Variants in RGPD2 observed in about 807,000 individuals in gnomAD.
The protein encoded by RGPD2 is RANBP2-like and GRIP domain-containing protein 2.
A neutral mutation model predicts 36.0 loss-of-function variants in RGPD2; 2 were observed. The observed-to-expected ratio is 0.06, with a 90% confidence interval of 0.02 to 0.17. RGPD2 has a LOEUF of 0.17. Among genes scored for constraint, RGPD2 ranks in the 10% least tolerant of loss-of-function variants. The pLI, the probability that RGPD2 is intolerant of heterozygous loss-of-function variation, is 1.00. For missense variants in RGPD2, 40 were observed against 464.3 expected (o/e 0.09, Z 8.40); for synonymous variants, 19 against 163.8 (o/e 0.12, Z 6.75).
At chr2:87,853,050 G>A in the RGPD2 span, among the ~76,000 whole-genome samples, 1 of 152,216 alleles carries the variant, frequency 6.6e-6, no homozygotes, top group African/African-American at 2.4e-5. Context: ...TTGAGTTAAT[G>A]ACCTGCTCGG....
the RGPD2 span, among the ~76,000 whole-genome samples, chr2:87,927,708 T>G: frequency 6.6e-6 from 1 of 151,302 alleles, no homozygotes; most frequent in African/African-American, 2.4e-5. Context: ...CAATTCTGTC[T>G]TTGGAAAAAA....
At chr2:87,830,484 C>T (rs1672464589), upstream of RGPD2, among the ~76,000 whole-genome samples, 1 of 152,104 alleles carries the variant, frequency 6.6e-6, no homozygotes, top group Non-Finnish European at 1.5e-5. Context: ...TTCTTCTGAA[C>T]CCTCCAAACT....
the RGPD2 span, among the ~76,000 whole-genome samples, chr2:87,935,095 A>C: frequency 7.1e-6 from 1 of 140,822 alleles, no homozygotes; most frequent in Non-Finnish European, 1.6e-5. Flanking sequence ...TTATTGTGAA[A>C]GAACAGAGCA....
At chr2:87,886,391 C>A in the RGPD2 span, among the ~76,000 whole-genome samples, 1 of 151,288 alleles carries the variant, frequency 6.6e-6, no homozygotes, top group African/African-American at 2.4e-5. Context: ...AACTACACTA[C>A]CTATTGCATT....
chr2:87,897,715 A>T, the RGPD2 span, among the ~76,000 whole-genome samples: 13 of 151,902 alleles, frequency 8.6e-5, no homozygotes, highest in African/African-American at 2.4e-4. Flanking sequence ...TATAAGTGAG[A>T]ACATGCAGTG....
upstream of RGPD2, chr2:87,825,939 C>T: frequency 1.8e-6 from 1 of 563,098 alleles, no homozygotes; most frequent in Non-Finnish European, 2.9e-6. Context: ...ACCCTGTGCT[C>T]TGAGGGTGTC....
At chr2:87,884,776 G>T in the RGPD2 span, among the ~76,000 whole-genome samples, 32 of 151,886 alleles carry the variant, frequency 2.1e-4, no homozygotes, top group Admixed American at 1.6e-3. Flanking sequence ...CCAATAACAA[G>T]TAAAGAGATT....
intron 4 of RGPD2, among the ~76,000 whole-genome samples, chr2:87,813,528 CTACT>C (rs1264550887): frequency 8.1e-6 from 1 of 122,782 alleles, no homozygotes; most frequent in Non-Finnish European, 1.7e-5. Context: ...TTTACCTTAC[CTACT>C]TAAACTCGTC....
At chr2:87,863,794 CAT>C in the RGPD2 span, among the ~76,000 whole-genome samples, 25 of 152,032 alleles carry the variant, frequency 1.6e-4, no homozygotes, top group African/African-American at 5.3e-4. Context: ...TAAAATAAAA[CAT>C]ATTGACTTTA....
At chr2:87,940,206 AAC>A in the RGPD2 span, among the ~76,000 whole-genome samples, 3 of 152,004 alleles carry the variant, frequency 2.0e-5, no homozygotes, top group Non-Finnish European at 4.4e-5. Flanking sequence ...ACAACAGAGA[AAC>A]ACAGTGTTAA....
At chr2:87,872,543 G>T in the RGPD2 span, among the ~76,000 whole-genome samples, 2 of 150,922 alleles carry the variant, frequency 1.3e-5, no homozygotes, top group South Asian at 2.1e-4. Context: ...GAGTTCAGGG[G>T]TATATGTGCA....
chr2:87,824,787 A>T (rs1232244989), intron 1 of RGPD2, among the ~76,000 whole-genome samples: 3 of 16,490 alleles, frequency 1.8e-4, no homozygotes, highest in African/African-American at 7.4e-4. Flanking sequence ...GCCGAGGCCG[A>T]GGCCGAGGCC....
the RGPD2 span, among the ~76,000 whole-genome samples, chr2:87,876,382 T>C: frequency 2.3e-4 from 35 of 152,356 alleles, no homozygotes; most frequent in Non-Finnish European, 2.6e-4. Context: ...TGAATTTCCC[T>C]CTGAACACTG....
At chr2:87,874,679 GTTTTTCTTAGGATTGTCA>G in the RGPD2 span, among the ~76,000 whole-genome samples, 3 of 151,968 alleles carry the variant, frequency 2.0e-5, no homozygotes, top group African/African-American at 7.3e-5. Context: ...AGCTTTGTTT[GTTTTTCTTAGGATTGTCA>G]TGGTTATTCA....
At chr2:87,842,236 A>G in the RGPD2 span, among the ~76,000 whole-genome samples, 1 of 151,172 alleles carries the variant, frequency 6.6e-6, no homozygotes, top group Admixed American at 6.6e-5. Context: ...AAGGAAATAA[A>G]GGGTATTCAA....
At chr2:87,866,575 G>C in the RGPD2 span, among the ~76,000 whole-genome samples, 1 of 152,244 alleles carries the variant, frequency 6.6e-6, no homozygotes, top group African/African-American at 2.4e-5. Context: ...ATTTCCATTC[G>C]TTCATAGAGG....
chr2:87,883,462 A>G, the RGPD2 span, among the ~76,000 whole-genome samples: 1 of 152,152 alleles, frequency 6.6e-6, no homozygotes, highest in South Asian at 2.1e-4. Flanking sequence ...ATCCTTACCT[A>G]TAAACAATTA....
intron 4 of RGPD2, among the ~76,000 whole-genome samples, chr2:87,813,405 ACCT>A (rs1399764091): frequency 1.2e-4 from 17 of 146,692 alleles, no homozygotes; most frequent in Middle Eastern, 3.6e-3. Flanking sequence ...GACACTTCAC[ACCT>A]CCTCCTATTT....
chr2:87,938,258 T>C, the RGPD2 span, among the ~76,000 whole-genome samples: 39 of 151,778 alleles, frequency 2.6e-4, no homozygotes, highest in Non-Finnish European at 5.0e-4. Context: ...AGTAATGAAA[T>C]GATGTTGTGA....
Sources: allele counts gnomAD v4.1 joint callset (sites outside exome capture counted in the v4.1 genomes callset), GRCh38; gene constraint gnomAD v4.1.1; transcripts MANE v1.5; gene names NCBI Gene and HGNC (gene_info 2026-07-23, HGNC 2026-07-21).